Variants in TTC29 observed in about 807,000 individuals in gnomAD.
TTC29 encodes the protein tetratricopeptide repeat domain 29.
A neutral mutation model predicts 58.1 loss-of-function variants in TTC29; 49 were observed. The ratio of observed to expected loss-of-function variants is 0.84; its 90% CI spans 0.67 to 1.07. The LOEUF (loss-of-function observed/expected upper bound fraction) is 1.07. Among genes scored for constraint, TTC29 ranks in the 50% least tolerant of loss-of-function variants. TTC29 has a pLI of 0.00. For missense variants in TTC29, 582 were observed against 555.6 expected, an observed-to-expected ratio of 1.05 and a Z score of -0.48; for synonymous variants, 209 against 196.8, an observed-to-expected ratio of 1.06 and a Z score of -0.52.
intron 4 of TTC29, among the ~76,000 whole-genome samples, chr4:146,912,427 G>A (rs1409607055): frequency 6.6e-6 from 1 of 152,114 alleles, no homozygotes; most frequent in East Asian, 1.9e-4. Flanking sequence ...TGTATGGTCT[G>A]TATTTCTATT....
At chr4:146,845,650 G>C (rs758908308) in intron 8 of TTC29, among the ~76,000 whole-genome samples, 2 of 152,146 alleles carry the variant, frequency 1.3e-5, no homozygotes, top group South Asian at 4.1e-4. Context: ...TCTACAACTA[G>C]ATTTACGATG....
At chr4:146,763,091 T>C (rs569153489) in intron 11 of TTC29, among the ~76,000 whole-genome samples, 1 of 152,144 alleles carries the variant, frequency 6.6e-6, no homozygotes, top group Admixed American at 6.6e-5. Flanking sequence ...CTCTCACCTC[T>C]CTTTATTTTA....
At chr4:146,874,973 C>T (rs577501797) in intron 6 of TTC29, 45 bp from the exon 7 acceptor site, 39 of 1,522,874 alleles carry the variant, frequency 2.6e-5, no homozygotes, top group African/African-American at 5.5e-5. Flanking sequence ...GAGGACGGAA[C>T]GTATTTTCAG....
intron 10 of TTC29, among the ~76,000 whole-genome samples, chr4:146,816,817 T>C (rs1338433631): frequency 6.6e-6 from 1 of 152,166 alleles, no homozygotes; most frequent in Admixed American, 6.6e-5. Context: ...TTCAAATTAA[T>C]TTCAAACTCG....
intron 11 of TTC29, among the ~76,000 whole-genome samples, chr4:146,760,038 T>C (rs1746758030): frequency 6.6e-6 from 1 of 151,964 alleles, no homozygotes; most frequent in Non-Finnish European, 1.5e-5. Flanking sequence ...TTTAATACCC[T>C]ACGGACTCCC....
Position 146,806,804 on chromosome 4 carries a change from C to T in TTC29, c.1102-3119G>A, listed in dbSNP as rs182266462. On this transcript the variant is annotated intron_variant, in intron 10 of 12. Coordinates refer to ENST00000325106, the MANE Select transcript of TTC29 (RefSeq NM_031956.4). ...AATAATAGTGGGAGAATTTAACACC[C>T]CACTGTCAATATTAGACGGATCAAC... 1.6e-3 allele frequency among the ~76,000 whole-genome samples: 248 copies of T among 152,120 alleles called. 1 individual carries two copies. The highest frequency in any genetic ancestry group is 5.6e-3 in the African/African-American group (234 of 41,488).
chr4:146,875,588 G>C (rs1311834720), intron 6 of TTC29, among the ~76,000 whole-genome samples: 1 of 152,042 alleles, frequency 6.6e-6, no homozygotes, highest in South Asian at 2.1e-4. Context: ...GAGCTCAAGC[G>C]ATCCTTCCAC....
At chr4:146,718,698 A>ACTT (rs1297116464) in intron 11 of TTC29, among the ~76,000 whole-genome samples, 1 of 151,898 alleles carries the variant, frequency 6.6e-6, no homozygotes, top group Non-Finnish European at 1.5e-5. Context: ...TTGTGCAGAA[A>ACTT]CTTTTAATTT....
intron 4 of TTC29, among the ~76,000 whole-genome samples, chr4:146,917,124 T>C (rs1244193194): frequency 6.6e-6 from 1 of 151,090 alleles, no homozygotes; most frequent in African/African-American, 2.4e-5. Flanking sequence ...GCTTATTTTC[T>C]ATATGATTTA....
intron 11 of TTC29, among the ~76,000 whole-genome samples, chr4:146,728,836 C>CATATATATGTATATAT (rs1561066651): frequency 1.0e-5 from 1 of 98,714 alleles, no homozygotes; most frequent in Non-Finnish European, 2.0e-5. Flanking sequence ...CATATATATA[C>CATATATATGTATATAT]ACATATATAT....
At chr4:146,811,462 A>G (rs1375546229) in intron 10 of TTC29, among the ~76,000 whole-genome samples, 3 of 151,946 alleles carry the variant, frequency 2.0e-5, no homozygotes, top group Non-Finnish European at 4.4e-5. Context: ...TCCTTTCTTC[A>G]CTGACTTCTA....
At chr4:146,735,801 A>G (rs981984663) in intron 11 of TTC29, among the ~76,000 whole-genome samples, 3 of 152,192 alleles carry the variant, frequency 2.0e-5, no homozygotes, top group African/African-American at 7.2e-5. Context: ...ACAGTTCGAG[A>G]AGCCTTATCA....
intron 6 of TTC29, among the ~76,000 whole-genome samples, chr4:146,886,427 C>T (rs13111575): frequency 6.6e-6 from 1 of 151,626 alleles, no homozygotes. Context: ...TCTTAAAAAA[C>T]CATCCTTTAT....
chr4:146,807,445 C>A (rs995298666), intron 10 of TTC29, among the ~76,000 whole-genome samples: 29 of 152,172 alleles, frequency 1.9e-4, no homozygotes, highest in African/African-American at 6.5e-4. Context: ...ATCAATGAAT[C>A]CAGGAGCTGG....
At chr4:146,824,857 C>T (rs10007013) in intron 9 of TTC29, among the ~76,000 whole-genome samples, 6,987 of 152,144 alleles carry the variant, frequency 0.046, 237 homozygotes, top group East Asian at 0.14. Context: ...GGAATTTATC[C>T]ATTTCTTCTA....
intron 10 of TTC29, among the ~76,000 whole-genome samples, chr4:146,816,908 G>C (rs1751447556): frequency 6.6e-6 from 1 of 152,156 alleles, no homozygotes; most frequent in Non-Finnish European, 1.5e-5. Context: ...GTGGTTAGGA[G>C]AATGGGTTTG....
intron 10 of TTC29, among the ~76,000 whole-genome samples, chr4:146,806,273 C>G (rs561421952): frequency 6.6e-6 from 1 of 152,314 alleles, no homozygotes; most frequent in Admixed American, 6.5e-5. Context: ...CTAGCTACTG[C>G]AAAAACACCG....
chr4:146,767,247 C>G (rs949383297), intron 11 of TTC29, among the ~76,000 whole-genome samples: 2 of 151,852 alleles, frequency 1.3e-5, no homozygotes, highest in South Asian at 4.1e-4. Flanking sequence ...CATCTTCTGC[C>G]TGGTTCACTG....
intron 8 of TTC29, among the ~76,000 whole-genome samples, chr4:146,840,413 T>G (rs1017761649): frequency 2.0e-5 from 3 of 152,082 alleles, no homozygotes; most frequent in Admixed American, 2.0e-4. Context: ...GTATATTCCA[T>G]TAGATGTGGC....
Sources: allele counts gnomAD v4.1 joint callset (sites outside exome capture counted in the v4.1 genomes callset), GRCh38; gene constraint gnomAD v4.1.1; transcripts MANE v1.5; gene names NCBI Gene and HGNC (gene_info 2026-07-23, HGNC 2026-07-21).